STXBP5L: variants seen among roughly 807,000 people sequenced by gnomAD.
STXBP5L encodes the protein syntaxin-binding protein 5-like.
STXBP5L carries 65 observed loss-of-function variants against 144.5 expected under a neutral mutation model. The ratio of observed to expected loss-of-function variants is 0.45; its 90% CI spans 0.37 to 0.55. The LOEUF (loss-of-function observed/expected upper bound fraction) is 0.55. Among genes scored for constraint, STXBP5L ranks in the 20% least tolerant of loss-of-function variants. STXBP5L has a pLI of 0.00. For synonymous variants in STXBP5L, 505 were observed against 469.6 expected (o/e 1.08, Z -0.97); for missense variants, 1,298 against 1,405.5 (o/e 0.92, Z 1.22).
intron 19 of STXBP5L, chr3:121,282,194 C>T: frequency 7.0e-7 from 1 of 1,424,102 alleles, no homozygotes; most frequent in Admixed American, 1.7e-5. Context: ...GATATCACTT[C>T]CTTTCACTTT....
chr3:121,253,477 A>G (rs1483417458), intron 15 of STXBP5L, among the ~76,000 whole-genome samples: 1 of 151,872 alleles, frequency 6.6e-6, no homozygotes, highest in Non-Finnish European at 1.5e-5. Context: ...ATTTCCTACA[A>G]ACATTCACTT....
rs150388029 is a variant in STXBP5L, at chr3:121,370,063, G to C, written c.2177-8653G>C. 2.2e-4 allele frequency among the ~76,000 whole-genome samples: 33 copies of C among 152,158 alleles called. No homozygotes were observed. The East Asian group carries it at 5.8e-3, about 27-fold the overall frequency. On this transcript the variant is annotated intron_variant, in intron 20 of 26. Coordinates refer to ENST00000471454, the MANE Select transcript of STXBP5L (RefSeq NM_001308330.2). ...TTGTGATAGAGTTCTCCTGAGATAC[G>C]CTTGTTTAAAAGTGGGTAGTGGCTA...
intron 9 of STXBP5L, among the ~76,000 whole-genome samples, chr3:121,174,737 T>C (rs1250368169): frequency 6.6e-6 from 1 of 152,168 alleles, no homozygotes; most frequent in Non-Finnish European, 1.5e-5. Flanking sequence ...TTTTCCTCCA[T>C]GACCTTACCA....
intron 3 of STXBP5L, among the ~76,000 whole-genome samples, chr3:120,985,690 TC>T (rs1942224081): frequency 6.6e-6 from 1 of 152,054 alleles, no homozygotes; most frequent in Non-Finnish European, 1.5e-5. Flanking sequence ...TCTTCTAGAT[TC>T]TTCAGTTGGT....
chr3:121,040,185 G>A (rs575019319), intron 3 of STXBP5L, among the ~76,000 whole-genome samples: 76 of 151,842 alleles, frequency 5.0e-4, no homozygotes, highest in African/African-American at 1.8e-3. Flanking sequence ...TGAATTTTAC[G>A]TTTTTGAGTG....
chr3:121,354,648 A>G (rs536547254), intron 20 of STXBP5L, among the ~76,000 whole-genome samples: 2 of 151,226 alleles, frequency 1.3e-5, no homozygotes, highest in African/African-American at 4.9e-5. Context: ...TCTTTATCCA[A>G]TTTGCCAGTC....
chr3:121,057,930 G>A (rs1381166932), intron 5 of STXBP5L, among the ~76,000 whole-genome samples: 5 of 151,788 alleles, frequency 3.3e-5, no homozygotes, highest in Non-Finnish European at 5.9e-5. Flanking sequence ...CTCCCAAGTA[G>A]CATAACACCT....
chr3:121,349,580 GT>G (rs2045178820), intron 20 of STXBP5L, among the ~76,000 whole-genome samples: 1 of 152,010 alleles, frequency 6.6e-6, no homozygotes, highest in Admixed American at 6.6e-5. Flanking sequence ...CATTATTATT[GT>G]GTGGGAGTCT....
intron 5 of STXBP5L, among the ~76,000 whole-genome samples, chr3:121,082,040 T>C (rs1008417448): frequency 4.6e-5 from 7 of 152,228 alleles, no homozygotes; most frequent in African/African-American, 1.7e-4. Context: ...AGCTTTAAAA[T>C]TGGATATACT....
chr3:121,104,684 G>T (rs1207601963), intron 5 of STXBP5L, among the ~76,000 whole-genome samples: 1 of 152,160 alleles, frequency 6.6e-6, no homozygotes, highest in Admixed American at 6.6e-5. Context: ...TGGTATAATT[G>T]ACAAGTCACA....
At chr3:121,295,691 G>A (rs570097206) in intron 19 of STXBP5L, among the ~76,000 whole-genome samples, 1 of 152,200 alleles carries the variant, frequency 6.6e-6, no homozygotes, top group South Asian at 2.1e-4. Flanking sequence ...GGGATATTTG[G>A]CAATGTCTGT....
At chr3:121,233,171 A>G (rs1350074771) in intron 11 of STXBP5L, among the ~76,000 whole-genome samples, 1 of 152,218 alleles carries the variant, frequency 6.6e-6, no homozygotes, top group African/African-American at 2.4e-5. Flanking sequence ...ACTTTTTATT[A>G]TAAGCAGTGT....
chr3:121,291,909 A>T (rs1039063288), intron 19 of STXBP5L, among the ~76,000 whole-genome samples: 2 of 152,242 alleles, frequency 1.3e-5, no homozygotes, highest in Non-Finnish European at 2.9e-5. Context: ...TCAACTCAGG[A>T]TGAATCAAAG....
intron 7 of STXBP5L, among the ~76,000 whole-genome samples, chr3:121,142,937 TA>T (rs1577054165): frequency 6.6e-6 from 1 of 151,954 alleles, no homozygotes; most frequent in East Asian, 1.9e-4. Flanking sequence ...TGAGAGTTAT[TA>T]TTTGAAAAGA....
Position 121,424,686 on chromosome 3 carries a change from C to T in STXBP5L, c.*5589C>T, listed in dbSNP as rs1416955088. Reference sequence around the variant, plus strand: ...CAAATTACTATTTTTCTGTTGCACTCAGCAATTGTGACTATACTTAACAAA... The same window carrying T: ...CAAATTACTATTTTTCTGTTGCACTTAGCAATTGTGACTATACTTAACAAA... On this transcript the variant is annotated 3_prime_UTR_variant, in exon 27 of 27. Transcript: ENST00000471454. 6 of 152,138 alleles carry T rather than the reference C, an allele frequency of 3.9e-5. No individual in the cohort carries two copies. Among genetic ancestry groups the T allele is most frequent in the African/African-American group, 1.4e-4 (6 of 41,424 alleles). The allele number at this position is 152,138 out of a possible 1,614,324, so 9.4% of individuals were successfully genotyped here.
chr3:120,931,237 A>G (rs1413484373), intron 2 of STXBP5L, among the ~76,000 whole-genome samples: 3 of 152,146 alleles, frequency 2.0e-5, no homozygotes, highest in African/African-American at 7.2e-5. Flanking sequence ...TAATTCTATC[A>G]TTTGTTATCC....
At chr3:121,278,237 T>C (rs1313426082) in intron 18 of STXBP5L, among the ~76,000 whole-genome samples, 1 of 152,010 alleles carries the variant, frequency 6.6e-6, no homozygotes, top group East Asian at 1.9e-4. Flanking sequence ...CATCTTATTC[T>C]ATGTTGCCTG....
intron 20 of STXBP5L, among the ~76,000 whole-genome samples, chr3:121,324,176 T>C (rs144345718): frequency 0.013 from 1,998 of 152,202 alleles, 28 homozygotes; most frequent in Non-Finnish European, 0.021. Flanking sequence ...TAGAGGTTAG[T>C]CACAAAATAC....
chr3:120,958,592 G>C (rs1432127090), intron 3 of STXBP5L, among the ~76,000 whole-genome samples: 2 of 152,140 alleles, frequency 1.3e-5, no homozygotes, highest in Non-Finnish European at 2.9e-5. Flanking sequence ...ATGCAAGTCT[G>C]GTTCAACATA....
Sources: gnomAD v4.1 joint callset for allele counts (sites outside exome capture counted in the v4.1 genomes callset) on GRCh38, gnomAD v4.1.1 for gene constraint, MANE v1.5 for transcripts, NCBI Gene and HGNC (gene_info 2026-07-23, HGNC 2026-07-21) for gene names.